The following GOLGA6B variants were observed in gnomAD, a reference collection of about 807,000 sequenced individuals.
The protein encoded by GOLGA6B is golgin A6 family member B.
In GOLGA6B, 11 loss-of-function variants were observed where a neutral mutation model predicts 63.0. The observed-to-expected ratio is 0.17, with a 90% CI of 0.11 to 0.29. The LOEUF is 0.29. Among genes scored for constraint, GOLGA6B ranks in the 10% least tolerant of loss-of-function variants. The pLI, the probability that GOLGA6B is intolerant of heterozygous loss-of-function variation, is 1.00. For missense variants in GOLGA6B, 134 were observed against 563.8 expected, an observed-to-expected ratio of 0.24 and a Z score of 7.72; for synonymous variants, 46 against 232.6, an observed-to-expected ratio of 0.20 and a Z score of 7.30.
At position 72,662,455 on chromosome 15, in the gene GOLGA6B, G is replaced by T. The variant is rs146527756; in HGVS notation, c.1051G>T (p.Val351Leu). The change falls in exon 11 of 18, where the codon GTG becomes TTG. Residue 351 changes from valine (V) to leucine (L), a missense_variant. Val to Leu is a conservative substitution (Grantham distance 32). Transcript: ENST00000421285. ...EQEEMLREQE[V>L]QRVREQERLC... ...GGAGGAGATGCTCCGAGAGCAGGAG[G>T]TGCAGAGAGTGCGGGAGCAGGAGAG... The T allele has an allele frequency of 0.017, 24,293 of 1,393,572 alleles. 6,304 individuals are homozygous for T. The highest frequency in any genetic ancestry group is 0.021 in the Non-Finnish European group (21,461 of 1,026,974). The allele number at this position is 1,393,572 out of a possible 1,614,324, so 86.3% of individuals were successfully genotyped here.
rs1477708774 is a variant in GOLGA6B, at chr15:72,664,209, C to G, written c.1426-227C>G. 1.5e-5 allele frequency among the ~76,000 whole-genome samples: 2 copies of G among 130,474 alleles called. 1 individual carries two copies. The highest frequency in any genetic ancestry group is 3.5e-5 in the Non-Finnish European group (2 of 57,718). 85.6% of individuals were successfully genotyped at this position (130,474 alleles called of 152,430 possible). ...GGTCACCTGCAGCAGTACGTGGCCA[C>G]CTATCAGCAGCTGACCTCTGAGAAG... On this transcript the variant is annotated intron_variant, in intron 12 of 17. Transcript: ENST00000421285.
rs528742118 is a variant in GOLGA6B at position 72,664,379 on chromosome 15, C to T, written c.1426-57C>T. 7.1e-4 allele frequency: 926 copies of T among 1,308,732 alleles called. 223 individuals are homozygous for T. The South Asian group carries it at 0.011, about 16-fold the overall frequency. 81.1% of individuals were successfully genotyped at this position (1,308,732 alleles called of 1,614,324 possible). On this transcript the variant is annotated intron_variant, in intron 12 of 17. Coordinates refer to ENST00000421285, the MANE Select transcript of GOLGA6B (RefSeq NM_018652.5). ...GAGGCAGTTGCTGAGGACGGGGCCC[C>T]GAGGGGGATGACCTGGCAACCTCCG...
In GOLGA6B at chr15:72,667,594, ATTC is replaced by A. The variant is rs1162504270; in HGVS notation, c.*1256_*1258del. Among the ~76,000 whole-genome samples the A allele has an allele frequency of 2.0e-5, 3 of 152,122 alleles. No individual in the cohort carries two copies. The highest frequency in any genetic ancestry group is 1.3e-4 in the Admixed American group (2 of 15,276). On this transcript the variant is annotated 3_prime_UTR_variant, in exon 18 of 18. Coordinates refer to ENST00000421285, the MANE Select transcript of GOLGA6B (RefSeq NM_018652.5). ...ATCTAGACCTCTCTGGCTAATACCT[ATTC>A]TTCAGCCACATTAGTTACTCTGACG...
chr15:72,666,185 G>A lies in GOLGA6B; in HGVS notation c.1955-30G>A, dbSNP rs776394754. The A allele has an allele frequency of 1.4e-5, 22 of 1,607,136 alleles. No individual in the cohort carries two copies. The South Asian group carries it at 2.3e-4, about 17-fold the overall frequency. ...CAGGGGCAGGGGAGGCTCGCACTGT[G>A]CTCAGACCCCCGCCTCCCTCTCTCT... On this transcript the variant is annotated intron_variant, in intron 17 of 17. Coordinates refer to ENST00000421285, the MANE Select transcript of GOLGA6B (RefSeq NM_018652.5).
intron 7 of GOLGA6B, among the ~76,000 whole-genome samples, chr15:72,660,831 A>G (rs1320528347): frequency 1.7e-4 from 16 of 93,730 alleles, no homozygotes; most frequent in African/African-American, 6.0e-4. Flanking sequence ...AGAATAGGAT[A>G]GACCTGGGTG....
chr15:72,664,193 C>T (rs2064618619), intron 12 of GOLGA6B, among the ~76,000 whole-genome samples: 1 of 130,646 alleles, frequency 7.7e-6, no homozygotes, highest in Non-Finnish European at 1.7e-5. Context: ...GGGTCACCTG[C>T]AGCAGTACGT....
chr15:72,664,419 G>C lies in GOLGA6B; in HGVS notation c.1426-17G>C. 2 of 1,321,690 alleles carry C rather than the reference G, an allele frequency of 1.5e-6. 1 individual carries two copies. The highest frequency in any genetic ancestry group is 2.9e-5 in the African/African-American group (2 of 68,604). The allele number at this position is 1,321,690 out of a possible 1,614,324, so 81.9% of individuals were successfully genotyped here. On this transcript the variant is annotated splice_polypyrimidine_tract_variant and intron_variant, in intron 12 of 17. Transcript: ENST00000421285. ...GGCAACCTCCGTGCCTTCTCACTCT[G>C]TTTCCCGTCCCCTTAGGAGCACCTA... is the stretch of plus-strand genomic sequence containing the variant.
chr15:72,664,531 G>A lies in GOLGA6B; in HGVS notation c.1501+20G>A, dbSNP rs201224202. On this transcript the variant is annotated intron_variant, in intron 13 of 17. Coordinates refer to ENST00000421285, the MANE Select transcript of GOLGA6B (RefSeq NM_018652.5). ...GAGAAGGTACAGGAGACCACTCAGAGGAAGAGGAGAGAGCCCCAGGAGGAA... is the reference window on the plus strand; with the variant it reads ...GAGAAGGTACAGGAGACCACTCAGAAGAAGAGGAGAGAGCCCCAGGAGGAA... The A allele has an allele frequency of 6.7e-4, 896 of 1,332,652 alleles. 163 individuals carry two copies. The highest frequency in any genetic ancestry group is 1.7e-3 in the Middle Eastern group (7 of 4,240). The allele number at this position is 1,332,652 out of a possible 1,614,324, so 82.6% of individuals were successfully genotyped here.
rs961290255 is a variant in GOLGA6B at position 72,661,262 on chromosome 15, A to G, written c.565-2A>G. On this transcript the variant is annotated splice_acceptor_variant, in intron 7 of 17. Transcript: ENST00000421285. LOFTEE classifies it high-confidence loss of function. ...CAAAACTTCTCACTCTTCACCATCC[A>G]GTCCTCGAGCTGCAGAGAAGCGGTC... is the stretch of plus-strand genomic sequence containing the variant. The G allele has an allele frequency of 6.2e-7, 1 of 1,613,238 alleles. No homozygotes were observed. Among genetic ancestry groups the G allele is most frequent in the Non-Finnish European group, 8.5e-7 (1 of 1,179,912 alleles).
chr15:72,664,448 G>T lies in GOLGA6B; in HGVS notation c.1438G>T (p.Ala480Ser). 1.5e-6 allele frequency: 2 copies of T among 1,327,528 alleles called. No individual in the cohort carries two copies. The highest frequency in any genetic ancestry group is 2.1e-6 in the Non-Finnish European group (2 of 966,770). The allele number at this position is 1,327,528 out of a possible 1,614,324, so 82.2% of individuals were successfully genotyped here. ...CCCGTCCCCTTAGGAGCACCTAGAA[G>T]CTGCCAGCCAGCAGAACCAACAGCT... ...QEKLDEEHLEAASQQNQQLET... is the reference protein window; with the variant it reads ...QEKLDEEHLESASQQNQQLET... Residue 480 changes from alanine (A) to serine (S), a missense_variant, in exon 13 of 18, where the codon GCT becomes TCT. Coordinates refer to ENST00000421285, the MANE Select transcript of GOLGA6B (RefSeq NM_018652.5).
At position 72,664,032 on chromosome 15, in the gene GOLGA6B, T is replaced by A. The variant is rs2064617213; in HGVS notation, c.1426-404T>A. 1.5e-5 allele frequency among the ~76,000 whole-genome samples: 2 copies of A among 129,250 alleles called. 1 individual carries two copies. Among genetic ancestry groups the A allele is most frequent in the African/African-American group, 5.3e-5 (2 of 37,526 alleles). 84.8% of individuals were successfully genotyped at this position (129,250 alleles called of 152,430 possible). A position where few individuals can be genotyped will look rare whatever the true frequency, so the allele number is the denominator to read the frequency against. ...GCAAGGGACCAGGGTCCTGGGCAGG[T>A]GACAGAGCCCCACGGTGCCCTCGCT... is the stretch of plus-strand genomic sequence containing the variant. On this transcript the variant is annotated intron_variant, in intron 12 of 17. Transcript: ENST00000421285.
At chr15:72,660,629 A>G (rs2064591053) in intron 7 of GOLGA6B, among the ~76,000 whole-genome samples, 1 of 109,740 alleles carries the variant, frequency 9.1e-6, no homozygotes, top group Non-Finnish European at 1.9e-5. Context: ...TACTATGATA[A>G]TATACAAAAA....
In GOLGA6B at chr15:72,664,691, TGCCTAAGGATGAATGAACTG is replaced by T. The variant is rs981130534; in HGVS notation, c.1501+182_1501+201del. 2 of 580,350 alleles carry T rather than the reference TGCCTAAGGATGAATGAACTG, an allele frequency of 3.4e-6. 1 individual carries two copies. The highest frequency in any genetic ancestry group is 4.1e-5 in the African/African-American group (2 of 48,304). 36.0% of individuals were successfully genotyped at this position (580,350 alleles called of 1,614,324 possible). A position where few individuals can be genotyped will look rare whatever the true frequency, so the allele number is the denominator to read the frequency against. On this transcript the variant is annotated intron_variant, in intron 13 of 17. Transcript: ENST00000421285. The stretch of plus-strand genomic sequence containing the variant: ...TCCTGGGAGCAGGGGGCCACCAGGT[TGCCTAAGGATGAATGAACTG>T]GACCAGATCAGAAAGGGAGCAGGTC...
intron 13 of GOLGA6B, 37 bp downstream of exon 13, chr15:72,664,548 C>T (rs574785826): frequency 7.9e-7 from 1 of 1,266,180 alleles, no homozygotes; most frequent in African/African-American, 1.5e-5. Flanking sequence ...GAGAGAGCCC[C>T]AGGAGGAAGG....
rs2064645596 is a variant in GOLGA6B at position 72,667,591 on chromosome 15, C to T, written c.*1249C>T. Among the ~76,000 whole-genome samples the T allele has an allele frequency of 6.6e-6, 1 of 152,082 alleles. No individual in the cohort carries two copies. Among genetic ancestry groups the T allele is most frequent in the Non-Finnish European group, 1.5e-5 (1 of 68,042 alleles). On this transcript the variant is annotated 3_prime_UTR_variant, in exon 18 of 18. Transcript: ENST00000421285. ...ATCATCTAGACCTCTCTGGCTAATA[C>T]CTATTCTTCAGCCACATTAGTTACT...
chr15:72,664,188 A>G (rs2064618564), intron 12 of GOLGA6B, among the ~76,000 whole-genome samples: 1 of 130,714 alleles, frequency 7.7e-6, no homozygotes, highest in Admixed American at 7.6e-5. Flanking sequence ...TACCTGGGTC[A>G]CCTGCAGCAG....
intron 8 of GOLGA6B, 21 bp from the exon 9 acceptor site, chr15:72,661,437 CT>C: frequency 2.7e-6 from 4 of 1,492,924 alleles, no homozygotes; most frequent in Non-Finnish European, 3.7e-6. Context: ...CCCTTCCTAA[CT>C]TCTGTGCCCA....
At chr15:72,665,172 T>A (rs2064629904) in intron 14 of GOLGA6B, 137 bp downstream of exon 14, 1 of 587,704 alleles carries the variant, frequency 1.7e-6, no homozygotes, top group African/African-American at 2.4e-5. Context: ...AGACACTTTG[T>A]CACCTGTGAC....
chr15:72,664,010 A>G lies in GOLGA6B; in HGVS notation c.1426-426A>G, dbSNP rs2140469880. ...GAGGAAGCCTCTTAGGCCTGGAGCA[A>G]GGGACCAGGGTCCTGGGCAGGTGAC... On this transcript the variant is annotated intron_variant, in intron 12 of 17. Transcript: ENST00000421285. Among the ~76,000 whole-genome samples, 2 of 129,870 alleles carry G rather than the reference A, an allele frequency of 1.5e-5. 1 individual carries two copies. The highest frequency in any genetic ancestry group is 5.3e-5 in the African/African-American group (2 of 37,780). The allele number at this position is 129,870 out of a possible 152,430, so 85.2% of individuals were successfully genotyped here.
Sources: gnomAD v4.1 joint callset for allele counts (sites outside exome capture counted in the v4.1 genomes callset) on GRCh38, gnomAD v4.1.1 for gene constraint, MANE v1.5 for transcripts, NCBI Gene and HGNC (gene_info 2026-07-23, HGNC 2026-07-21) for gene names.